The following CELF2 variants were observed in gnomAD, a reference collection of about 807,000 sequenced individuals.
CELF2 encodes the protein CUGBP Elav-like family member 2.
Under a neutral mutation model 62.6 loss-of-function variants are expected in CELF2, and 8 were observed. The ratio of observed to expected loss-of-function variants is 0.13; its 90% CI spans 0.07 to 0.23. The LOEUF is 0.23. Ranked by LOEUF, CELF2 falls within the 10% of genes least tolerant of loss-of-function variation. The probability of loss-of-function intolerance (pLI) is 1.00; values close to 1 mark genes in which losing one functional copy is unlikely to be tolerated. For missense variants in CELF2, 333 were observed against 671.0 expected (o/e 0.50, Z 5.56); for synonymous variants, 258 against 250.0 (o/e 1.03, Z -0.30).
chr10:10,691,932 G>A, the CELF2 span, among the ~76,000 whole-genome samples: 46 of 151,244 alleles, frequency 3.0e-4, no homozygotes, highest in African/African-American at 9.2e-4. Flanking sequence ...AGTAGGTTGC[G>A]AAAATTTTCT....
the CELF2 span, among the ~76,000 whole-genome samples, chr10:10,691,212 T>A: frequency 5.2e-4 from 79 of 151,642 alleles, no homozygotes; most frequent in Non-Finnish European, 8.2e-4. Flanking sequence ...TGTGTCCATG[T>A]GATCTCATTG....
At chr10:10,848,346 A>G (rs1049877654) in intron 1 of CELF2, among the ~76,000 whole-genome samples, 3 of 152,216 alleles carry the variant, frequency 2.0e-5, no homozygotes, top group African/African-American at 7.2e-5. Context: ...TCAGCCTTGA[A>G]AAATGGCAAC....
the CELF2 span, among the ~76,000 whole-genome samples, chr10:10,514,617 T>G: frequency 0.99 from 150,739 of 152,250 alleles, 74,634 homozygotes; most frequent in South Asian, 1. Context: ...AGAATGGGAT[T>G]CAGACGTGGA....
chr10:10,501,508 A>T, the CELF2 span, among the ~76,000 whole-genome samples: 1 of 152,044 alleles, frequency 6.6e-6, no homozygotes, highest in East Asian at 1.9e-4. Flanking sequence ...TTCTGAATAC[A>T]TGTTTTTTAT....
the CELF2 span, among the ~76,000 whole-genome samples, chr10:10,486,917 A>G: frequency 6.6e-6 from 1 of 152,194 alleles, no homozygotes; most frequent in Non-Finnish European, 1.5e-5. Flanking sequence ...AGGAATTACT[A>G]TAAAAAGCTC....
At chr10:10,686,028 C>T in the CELF2 span, among the ~76,000 whole-genome samples, 2 of 152,068 alleles carry the variant, frequency 1.3e-5, no homozygotes, top group Admixed American at 6.6e-5. Context: ...CTACGCAAAC[C>T]GCACCTAACT....
At chr10:10,755,491 C>T in the CELF2 span, among the ~76,000 whole-genome samples, 1 of 152,286 alleles carries the variant, frequency 6.6e-6, no homozygotes, top group South Asian at 2.1e-4. Context: ...CATTTTCGCG[C>T]GCAGTCTCTA....
At chr10:10,876,008 G>A (rs11817172) in intron 1 of CELF2, among the ~76,000 whole-genome samples, 8,787 of 152,260 alleles carry the variant, frequency 0.058, 418 homozygotes, top group East Asian at 0.22. Flanking sequence ...GATGGCATTT[G>A]CCACCATCTG....
chr10:11,018,049 A>C lies in CELF2; in HGVS notation c.-41A>C, dbSNP rs777637183. The C allele has an allele frequency of 2.2e-6, 3 of 1,348,500 alleles. No homozygotes were observed. The highest frequency in any genetic ancestry group is 2.9e-6 in the Non-Finnish European group (3 of 1,028,936). 83.5% of individuals were successfully genotyped at this position (1,348,500 alleles called of 1,614,324 possible). On this transcript the variant is annotated 5_prime_UTR_variant, in exon 1 of 13. Transcript: ENST00000633077. ...CGCCCGCGGCCGCTCGGACGCGCGC[A>C]GAGCCGCCCCCCGCCGCTGCCGCCG...
At chr10:10,524,371 A>G in the CELF2 span, among the ~76,000 whole-genome samples, 1 of 150,630 alleles carries the variant, frequency 6.6e-6, no homozygotes, top group Non-Finnish European at 1.5e-5. Context: ...AGAAGAATCT[A>G]GGAGATTCAT....
At chr10:11,158,789 A>G (rs2065065442) in intron 1 of CELF2, among the ~76,000 whole-genome samples, 1 of 152,228 alleles carries the variant, frequency 6.6e-6, no homozygotes, top group Non-Finnish European at 1.5e-5. Flanking sequence ...TGAGACCCCC[A>G]ACCGAACACA....
At chr10:11,310,170 G>A (rs1007703886) in intron 9 of CELF2, among the ~76,000 whole-genome samples, 9 of 152,204 alleles carry the variant, frequency 5.9e-5, no homozygotes, top group Non-Finnish European at 1.5e-5. Flanking sequence ...TCTGCTTCTT[G>A]GTCTAGAATA....
chr10:11,091,909 G>A (rs908968255), intron 1 of CELF2, among the ~76,000 whole-genome samples: 5 of 152,196 alleles, frequency 3.3e-5, no homozygotes, highest in Non-Finnish European at 5.9e-5. Flanking sequence ...GGCTTAAAGT[G>A]CATTTGCAGA....
At chr10:10,968,263 GA>G (rs1033521939) in intron 2 of CELF2, among the ~76,000 whole-genome samples, 42 of 152,094 alleles carry the variant, frequency 2.8e-4, no homozygotes, top group Non-Finnish European at 4.7e-4. Context: ...TTTTGACCCA[GA>G]AAAAAATTCT....
At chr10:10,631,669 C>T in the CELF2 span, among the ~76,000 whole-genome samples, 3 of 152,168 alleles carry the variant, frequency 2.0e-5, no homozygotes, top group Admixed American at 6.5e-5. Flanking sequence ...ATCCACTGGA[C>T]GTTTTCTTCT....
chr10:11,046,069 C>G lies in CELF2; in HGVS notation c.74+27906C>G, dbSNP rs901353046. On this transcript the variant is annotated intron_variant, in intron 1 of 12. Transcript: ENST00000633077. This position sits in a 1 kb window ranked among gnomAD's most constrained non-coding sequence, Gnocchi z 4.6. ...CTCGCTCATGAAGAGTTTGAACATA[C>G]AGGGAGACCAGCTGACTTGAGCTGT... Among the ~76,000 whole-genome samples the G allele has an allele frequency of 6.6e-6, 1 of 152,200 alleles. No individual in the cohort carries two copies. The highest frequency in any genetic ancestry group is 1.5e-5 in the Non-Finnish European group (1 of 68,038).
At position 11,267,341 on chromosome 10, in the gene CELF2, G is replaced by A. The variant is rs2082430975; in HGVS notation, c.618+664G>A. On this transcript the variant is annotated intron_variant, in intron 6 of 12. Coordinates refer to ENST00000633077, the MANE Select transcript of CELF2 (RefSeq NM_001326342.2). This position sits in a 1 kb window ranked among gnomAD's most constrained non-coding sequence, Gnocchi z 4.4. ...TAGGGGAAGGTAAACACCCTGGTGT[G>A]GATGCACACCCACGAACCTAGATAG... 1.3e-5 allele frequency among the ~76,000 whole-genome samples: 2 copies of A among 152,188 alleles called. No homozygotes were observed. The highest frequency in any genetic ancestry group is 4.1e-4 in the South Asian group (2 of 4,832).
chr10:11,188,825 C>CT (rs1245002242), intron 2 of CELF2, among the ~76,000 whole-genome samples: 1 of 151,998 alleles, frequency 6.6e-6, no homozygotes, highest in Non-Finnish European at 1.5e-5. Context: ...TTTTTTCTTC[C>CT]TTTTTTAAAG....
chr10:10,664,893 T>C, the CELF2 span, among the ~76,000 whole-genome samples: 1 of 152,206 alleles, frequency 6.6e-6, no homozygotes, highest in East Asian at 1.9e-4. Flanking sequence ...GTATTCACAT[T>C]TACTGTTCGA....
Sources: allele counts gnomAD v4.1 joint callset (sites outside exome capture counted in the v4.1 genomes callset), GRCh38; gene constraint gnomAD v4.1.1; non-coding constraint Gnocchi (gnomAD v3.1); transcripts MANE v1.5; gene names NCBI Gene and HGNC (gene_info 2026-07-23, HGNC 2026-07-21).